Variants in CNOT2 observed in about 807,000 individuals in gnomAD.
CNOT2 encodes CC chemokine receptor 4-negative regulator of transcription 2.
CNOT2 carries 7 observed loss-of-function variants against 72.1 expected under a neutral mutation model. That is an observed-to-expected ratio of 0.10 (90% CI 0.06 to 0.18). CNOT2 has a LOEUF of 0.18. Ranked by LOEUF, CNOT2 falls within the 10% of genes least tolerant of loss-of-function variation. The pLI, the probability that CNOT2 is intolerant of heterozygous loss-of-function variation, is 1.00. For missense variants in CNOT2, 345 were observed against 660.3 expected (o/e 0.52, Z 5.23); for synonymous variants, 196 against 225.6 (o/e 0.87, Z 1.17).
intron 1 of CNOT2, among the ~76,000 whole-genome samples, chr12:70,264,643 A>G (rs1028162406): frequency 7.2e-5 from 11 of 152,076 alleles, no homozygotes; most frequent in African/African-American, 2.2e-4. Context: ...TGAGTATAAG[A>G]AATTCTGTTG....
At chr12:70,254,912 C>A (rs1300511458) in intron 1 of CNOT2, among the ~76,000 whole-genome samples, 1 of 144,706 alleles carries the variant, frequency 6.9e-6, no homozygotes, top group South Asian at 2.2e-4. Flanking sequence ...ACCTGGGAGG[C>A]GGAGGTTGCA....
chr12:70,283,156 T>G (rs945476060), intron 2 of CNOT2, among the ~76,000 whole-genome samples: 1 of 152,136 alleles, frequency 6.6e-6, no homozygotes. Flanking sequence ...TGAACATGTT[T>G]CTCTCTCTGA....
intron 2 of CNOT2, chr12:70,294,371 T>C (rs1872491571): frequency 1.1e-6 from 1 of 897,204 alleles, no homozygotes. Context: ...TGGGCCATTT[T>C]ATCAATGAGT....
chr12:70,345,575 A>C (rs17226213), intron 14 of CNOT2: 10,352 of 152,206 alleles, frequency 0.068, 511 homozygotes, highest in Admixed American at 0.15. Flanking sequence ...TCCTCAGTTT[A>C]CAAGTAGTGT....
At chr12:70,347,072 T>C (rs1882273275) in intron 15 of CNOT2, among the ~76,000 whole-genome samples, 1 of 151,456 alleles carries the variant, frequency 6.6e-6, no homozygotes, top group Non-Finnish European at 1.5e-5. Context: ...ACTCCATGAT[T>C]TTTCTGATAC....
intron 2 of CNOT2, among the ~76,000 whole-genome samples, chr12:70,300,035 G>A (rs1873617735): frequency 6.6e-6 from 1 of 152,148 alleles, no homozygotes; most frequent in African/African-American, 2.4e-5. Context: ...TTTGAGAAGT[G>A]TCTGTTCATG....
chr12:70,270,591 T>C (rs1343409831), intron 1 of CNOT2, among the ~76,000 whole-genome samples: 1 of 152,150 alleles, frequency 6.6e-6, no homozygotes, highest in African/African-American at 2.4e-5. Context: ...AATATCCATT[T>C]GTTAAATAAA....
intron 9 of CNOT2, 122 bp downstream of exon 9, chr12:70,337,635 T>A: frequency 1.0e-6 from 1 of 998,382 alleles, no homozygotes; most frequent in Non-Finnish European, 1.5e-6. Flanking sequence ...TGTAATAACC[T>A]AACTTCTGAA....
chr12:70,263,077 A>G (rs543308258), intron 1 of CNOT2, among the ~76,000 whole-genome samples: 2 of 152,276 alleles, frequency 1.3e-5, no homozygotes, highest in Non-Finnish European at 2.9e-5. Flanking sequence ...TCTGGCCACC[A>G]TTATTTCTAA....
At chr12:70,344,033 G>A in intron 13 of CNOT2, 95 bp from the exon 14 acceptor site, 1 of 711,300 alleles carries the variant, frequency 1.4e-6, no homozygotes, top group Non-Finnish European at 2.3e-6. Flanking sequence ...GGGAGTTTCT[G>A]TTTATCTCTC....
chr12:70,321,239 G>A (rs1361518905), intron 4 of CNOT2, among the ~76,000 whole-genome samples: 4 of 151,792 alleles, frequency 2.6e-5, no homozygotes, highest in African/African-American at 9.7e-5. Context: ...AACTGGAACT[G>A]TAATGTTTCA....
At chr12:70,311,823 C>T (rs1246422891) in intron 3 of CNOT2, among the ~76,000 whole-genome samples, 1 of 151,910 alleles carries the variant, frequency 6.6e-6, no homozygotes, top group African/African-American at 2.4e-5. Flanking sequence ...AAACAATCTA[C>T]TCTAGCTATT....
At chr12:70,352,717 T>A (rs1180576009) in intron 15 of CNOT2, among the ~76,000 whole-genome samples, 2 of 152,354 alleles carry the variant, frequency 1.3e-5, no homozygotes, top group East Asian at 3.9e-4. Context: ...TTTTAGAGCC[T>A]CTTGCTTATT....
intron 2 of CNOT2, among the ~76,000 whole-genome samples, chr12:70,284,595 T>C (rs75696721): frequency 7.5e-6 from 1 of 133,806 alleles, no homozygotes; most frequent in Non-Finnish European, 1.6e-5. Context: ...TTTTTTTTTT[T>C]GGCATTCATG....
intron 1 of CNOT2, among the ~76,000 whole-genome samples, chr12:70,276,142 A>T (rs1448593700): frequency 6.6e-6 from 1 of 152,016 alleles, no homozygotes; most frequent in African/African-American, 2.4e-5. Flanking sequence ...ATAATTCTTC[A>T]AAGTGAACTT....
intron 2 of CNOT2, among the ~76,000 whole-genome samples, chr12:70,304,485 TG>T (rs1213049810): frequency 6.6e-6 from 1 of 152,226 alleles, no homozygotes; most frequent in East Asian, 1.9e-4. Flanking sequence ...CCTGTTTGCC[TG>T]GGTATCAGCA....
chr12:70,329,474 A>C lies in CNOT2; in HGVS notation c.290A>C (p.Asn97Thr), dbSNP rs1210046013. The part of the protein sequence containing the change: ...RGMSNNTPQL[N>T]RSLSQGTQLP... Reference sequence around the variant, plus strand: ...ATGAGCAACAATACCCCTCAGTTAAATCGCAGCTTATCACAAGGCACTCAG... The same window carrying C: ...ATGAGCAACAATACCCCTCAGTTAACTCGCAGCTTATCACAAGGCACTCAG... The change falls in exon 5 of 16, where the codon AAT becomes ACT. Residue 97 changes from asparagine to threonine, a missense_variant. Physicochemically the swap from Asn to Thr is moderately conservative, Grantham distance 65. This residue lies in a region of CNOT2 where 157 missense variants were observed against 235.3 expected (regional missense o/e 0.67). Transcript: ENST00000229195. 1 of 1,611,944 alleles carries C rather than the reference A, an allele frequency of 6.2e-7. No individual in the cohort carries two copies.
chr12:70,293,359 A>G (rs1210668220), intron 2 of CNOT2, among the ~76,000 whole-genome samples: 3 of 152,118 alleles, frequency 2.0e-5, no homozygotes, highest in South Asian at 2.1e-4. Flanking sequence ...GGGTTTCTCC[A>G]TGTTGGTCAG....
chr12:70,265,321 T>TTCTCTTCTCGTCTCG (rs796521434), intron 1 of CNOT2, among the ~76,000 whole-genome samples: 2 of 146,688 alleles, frequency 1.4e-5, no homozygotes, highest in African/African-American at 4.9e-5. Context: ...TTCTCTTCTC[T>TTCTCTTCTCGTCTCG]TCTCTTTCTT....
Sources: allele counts gnomAD v4.1 joint callset (sites outside exome capture counted in the v4.1 genomes callset), GRCh38; gene constraint gnomAD v4.1.1; regional missense constraint gnomAD v4.1.1; transcripts MANE v1.5; gene names NCBI Gene and HGNC (gene_info 2026-07-23, HGNC 2026-07-21).